Variants in OPRD1 observed in about 807,000 individuals in gnomAD.
The protein encoded by OPRD1 is delta-type opioid receptor.
A neutral mutation model predicts 17.5 loss-of-function variants in OPRD1; 19 were observed. The ratio of observed to expected loss-of-function variants is 1.09; its 90% CI spans 0.76 to 1.60. The LOEUF (loss-of-function observed/expected upper bound fraction) is 1.60, where lower values mean the gene tolerates loss of function less well. Among genes scored for constraint, OPRD1 ranks in the 40% most tolerant of loss-of-function variants. The pLI is 0.00. For missense variants in OPRD1, 483 were observed against 547.2 expected, an observed-to-expected ratio of 0.88 and a Z score of 1.17; for synonymous variants, 256 against 240.9, an observed-to-expected ratio of 1.06 and a Z score of -0.58.
intron 1 of OPRD1, among the ~76,000 whole-genome samples, chr1:28,852,116 G>A (rs536669781): frequency 3.7e-4 from 53 of 144,694 alleles, no homozygotes; most frequent in Admixed American, 5.0e-4. Context: ...GGAGTGAGCC[G>A]AGATCACGCA....
intron 2 of OPRD1, among the ~76,000 whole-genome samples, chr1:28,859,546 A>ATGAC (rs2089093191): frequency 6.6e-6 from 1 of 152,188 alleles, no homozygotes; most frequent in Non-Finnish European, 1.5e-5. Context: ...GTGAAGATGA[A>ATGAC]TGACTGATCA....
chr1:28,862,221 T>C (rs903529230), intron 2 of OPRD1, among the ~76,000 whole-genome samples: 3 of 152,072 alleles, frequency 2.0e-5, no homozygotes, highest in African/African-American at 7.2e-5. Flanking sequence ...CTGTCCGCCT[T>C]AGCCTATTTA....
At chr1:28,846,905 CTTT>C (rs1323069441) in intron 1 of OPRD1, among the ~76,000 whole-genome samples, 1 of 129,450 alleles carries the variant, frequency 7.7e-6, no homozygotes, top group Non-Finnish European at 1.6e-5. Flanking sequence ...CTCTTTCTTT[CTTT>C]TTCTTTCTTT....
At chr1:28,847,934 A>G (rs942157008) in intron 1 of OPRD1, among the ~76,000 whole-genome samples, 2 of 151,968 alleles carry the variant, frequency 1.3e-5, no homozygotes, top group African/African-American at 4.8e-5. Context: ...AAAAACAAAA[A>G]ACAAAAAAAA....
chr1:28,846,563 A>G (rs559941821), intron 1 of OPRD1, among the ~76,000 whole-genome samples: 1 of 152,128 alleles, frequency 6.6e-6, no homozygotes, highest in South Asian at 2.1e-4. Context: ...GGCGCCTGTA[A>G]TCCCAGCTAC....
intron 2 of OPRD1, among the ~76,000 whole-genome samples, chr1:28,862,246 C>T (rs2089130395): frequency 6.6e-6 from 1 of 152,100 alleles, no homozygotes; most frequent in East Asian, 1.9e-4. Context: ...TTACGACAAT[C>T]CTGGAGATGT....
At chr1:28,851,128 G>A (rs931168967) in intron 1 of OPRD1, among the ~76,000 whole-genome samples, 1 of 152,066 alleles carries the variant, frequency 6.6e-6, no homozygotes, top group African/African-American at 2.4e-5. Flanking sequence ...AAATGAAAAA[G>A]AGCCACTTGA....
intron 1 of OPRD1, among the ~76,000 whole-genome samples, chr1:28,814,241 A>G (rs2088654984): frequency 6.6e-6 from 1 of 152,092 alleles, no homozygotes; most frequent in South Asian, 2.1e-4. Context: ...TGGCTCTGTG[A>G]CTTGGATGAA....
intron 1 of OPRD1, among the ~76,000 whole-genome samples, chr1:28,821,775 C>T (rs1193310481): frequency 1.3e-5 from 2 of 151,988 alleles, no homozygotes; most frequent in African/African-American, 2.4e-5. Context: ...CATGGTGGCT[C>T]ACCCCCATAA....
chr1:28,836,216 TA>T (rs1215848843), intron 1 of OPRD1, among the ~76,000 whole-genome samples: 1 of 152,062 alleles, frequency 6.6e-6, no homozygotes, highest in Non-Finnish European at 1.5e-5. Flanking sequence ...CTGGGTGACT[TA>T]AAACATAAGA....
chr1:28,813,435 C>T (rs920937637), intron 1 of OPRD1, among the ~76,000 whole-genome samples: 4 of 152,176 alleles, frequency 2.6e-5, no homozygotes, highest in African/African-American at 7.2e-5. Context: ...TCTTTGCCTC[C>T]TCTAACAGTC....
chr1:28,834,600 G>A (rs1287468093), intron 1 of OPRD1, among the ~76,000 whole-genome samples: 4 of 151,408 alleles, frequency 2.6e-5, no homozygotes, highest in South Asian at 2.1e-4. Flanking sequence ...GGCTGGTCTC[G>A]AACTCTTGAG....
chr1:28,848,611 TCCACTTAATAC>T (rs2088973166), intron 1 of OPRD1, among the ~76,000 whole-genome samples: 1 of 152,228 alleles, frequency 6.6e-6, no homozygotes, highest in Non-Finnish European at 1.5e-5. Flanking sequence ...AGTTCAAGTG[TCCACTTAATAC>T]CTGTTAGATG....
At chr1:28,830,469 G>A (rs1433187923) in intron 1 of OPRD1, among the ~76,000 whole-genome samples, 2 of 152,056 alleles carry the variant, frequency 1.3e-5, no homozygotes, top group Non-Finnish European at 2.9e-5. Context: ...GGCTGCAGTG[G>A]GCTGTGATAG....
At chr1:28,837,520 C>A (rs1326896130) in intron 1 of OPRD1, among the ~76,000 whole-genome samples, 1 of 151,764 alleles carries the variant, frequency 6.6e-6, no homozygotes, top group Non-Finnish European at 1.5e-5. Context: ...TGGTGGCGTG[C>A]ACCTGTAGTC....
intron 1 of OPRD1, among the ~76,000 whole-genome samples, chr1:28,846,702 AAAAGAG>A (rs1328762190): frequency 2.3e-5 from 3 of 131,986 alleles, no homozygotes; most frequent in Non-Finnish European, 3.4e-5. Flanking sequence ...AAAAAAAAAA[AAAAGAG>A]AGAGAGAGAG....
intron 1 of OPRD1, among the ~76,000 whole-genome samples, chr1:28,825,286 C>T (rs2088754713): frequency 6.6e-6 from 1 of 152,172 alleles, no homozygotes; most frequent in African/African-American, 2.4e-5. Context: ...TTTTCCTATC[C>T]CCTTGCTCCC....
At chr1:28,839,600 T>C (rs2088879430) in intron 1 of OPRD1, among the ~76,000 whole-genome samples, 1 of 152,158 alleles carries the variant, frequency 6.6e-6, no homozygotes, top group South Asian at 2.1e-4. Flanking sequence ...TGCGACTGGG[T>C]GTAGACGTTC....
At chr1:28,836,563 A>G (rs1406736183) in intron 1 of OPRD1, among the ~76,000 whole-genome samples, 1 of 152,056 alleles carries the variant, frequency 6.6e-6, no homozygotes, top group Non-Finnish European at 1.5e-5. Context: ...GAAGTCTGAA[A>G]TCAAGGTGTT....
Sources: gnomAD v4.1 joint callset for allele counts (sites outside exome capture counted in the v4.1 genomes callset) on GRCh38, gnomAD v4.1.1 for gene constraint, MANE v1.5 for transcripts, NCBI Gene and HGNC (gene_info 2026-07-23, HGNC 2026-07-21) for gene names.